The following PDGFD variants were observed in gnomAD, a reference collection of about 807,000 sequenced individuals.
PDGFD encodes platelet-derived growth factor D.
In PDGFD, 30 loss-of-function variants were observed where a neutral mutation model predicts 44.7. The observed-to-expected ratio is 0.67, with a 90% CI of 0.50 to 0.91. The LOEUF (loss-of-function observed/expected upper bound fraction) is 0.91. Ranked by LOEUF, PDGFD falls within the 40% of genes least tolerant of loss-of-function variation. The pLI is 0.00. For synonymous variants in PDGFD, 173 were observed against 168.4 expected (o/e 1.03, Z -0.21); for missense variants, 445 against 457.8 (o/e 0.97, Z 0.25).
At chr11:104,000,375 A>G in intron 1 of PDGFD, 120 bp from the exon 2 acceptor site, 1 of 890,122 alleles carries the variant, frequency 1.1e-6, no homozygotes, top group South Asian at 1.7e-5. Context: ...GCCTAAAAAC[A>G]TTAAGTCTAA....
rs1427053484 is a variant in PDGFD at position 104,164,018 on chromosome 11, C to G, written c.-91G>C. Reference sequence around the variant, plus strand: ...GCCGCGCCGCCCTGCGCTCTCGCCGCCTGCGCTCGCCCTGCGCTGGCCCGG... The same window carrying G: ...GCCGCGCCGCCCTGCGCTCTCGCCGGCTGCGCTCGCCCTGCGCTGGCCCGG... On this transcript the variant is annotated 5_prime_UTR_variant, in exon 1 of 7. Transcript: ENST00000393158. 8.7e-6 allele frequency: 12 copies of G among 1,373,750 alleles called. No individual in the cohort carries two copies. The highest frequency in any genetic ancestry group is 2.5e-5 in the Admixed American group (1 of 39,982). 85.1% of individuals were successfully genotyped at this position (1,373,750 alleles called of 1,614,324 possible). A position where few individuals can be genotyped will look rare whatever the true frequency, so the allele number is the denominator to read the frequency against.
intron 5 of PDGFD, among the ~76,000 whole-genome samples, chr11:103,929,816 C>A (rs998338919): frequency 6.6e-6 from 1 of 152,126 alleles, no homozygotes; most frequent in Non-Finnish European, 1.5e-5. Context: ...TGCAGCAGAG[C>A]AGGGAGCCAG....
intron 1 of PDGFD, among the ~76,000 whole-genome samples, chr11:104,061,271 A>G (rs1048271738): frequency 2.6e-5 from 4 of 152,026 alleles, no homozygotes; most frequent in African/African-American, 9.7e-5. Context: ...CTAGTCAAAA[A>G]GGAAAAAAAA....
chr11:103,961,840 C>T (rs1015503150), intron 3 of PDGFD, among the ~76,000 whole-genome samples: 4 of 152,158 alleles, frequency 2.6e-5, no homozygotes, highest in East Asian at 1.9e-4. Flanking sequence ...TAAGTGTCAG[C>T]GTCACTTGCC....
chr11:104,114,593 C>A (rs552344628), intron 1 of PDGFD, among the ~76,000 whole-genome samples: 2 of 152,114 alleles, frequency 1.3e-5, no homozygotes, highest in African/African-American at 4.8e-5. Context: ...ATTTATCTCT[C>A]CATATAAACT....
intron 1 of PDGFD, among the ~76,000 whole-genome samples, chr11:104,026,096 A>G (rs1374766026): frequency 6.6e-6 from 1 of 152,128 alleles, no homozygotes; most frequent in Non-Finnish European, 1.5e-5. Context: ...CATGGCTGTA[A>G]CACTATCTTC....
intron 1 of PDGFD, among the ~76,000 whole-genome samples, chr11:104,059,143 C>G (rs1860669114): frequency 6.8e-6 from 1 of 146,486 alleles, no homozygotes; most frequent in Non-Finnish European, 1.5e-5. Context: ...GTACATTATA[C>G]TTCAATAAAT....
At chr11:104,132,793 T>C (rs905210615) in intron 1 of PDGFD, among the ~76,000 whole-genome samples, 3 of 152,104 alleles carry the variant, frequency 2.0e-5, no homozygotes, top group Admixed American at 6.5e-5. Context: ...TTTTTCAAAA[T>C]AAATCAACCT....
At chr11:103,953,315 C>T (rs1858786614) in intron 3 of PDGFD, among the ~76,000 whole-genome samples, 1 of 151,896 alleles carries the variant, frequency 6.6e-6, no homozygotes, top group Admixed American at 6.6e-5. Context: ...CAGTTAACAT[C>T]CTTAAAATAA....
intron 1 of PDGFD, among the ~76,000 whole-genome samples, chr11:104,113,354 CA>C (rs1861588691): frequency 6.6e-6 from 1 of 151,862 alleles, no homozygotes; most frequent in African/African-American, 2.4e-5. Flanking sequence ...GGGAGGCAAA[CA>C]AAAAACATAT....
At chr11:104,036,543 A>C in intron 1 of PDGFD, 1 of 491,084 alleles carries the variant, frequency 2.0e-6, no homozygotes, top group Non-Finnish European at 3.7e-6. Context: ...TCGTGTATCC[A>C]TGGGAGTAGG....
chr11:103,941,803 CAG>C (rs1858588397), intron 5 of PDGFD, among the ~76,000 whole-genome samples: 1 of 152,090 alleles, frequency 6.6e-6, no homozygotes, highest in African/African-American at 2.4e-5. Context: ...TTGCTGAAGA[CAG>C]AGTCAGCTTT....
chr11:103,945,359 C>T (rs1565291441), intron 4 of PDGFD, among the ~76,000 whole-genome samples: 2 of 152,140 alleles, frequency 1.3e-5, no homozygotes, highest in Non-Finnish European at 2.9e-5. Context: ...CTGTCTTTCA[C>T]ATCTCTCTTG....
chr11:104,030,874 A>C (rs1217327885), intron 1 of PDGFD, among the ~76,000 whole-genome samples: 2 of 152,148 alleles, frequency 1.3e-5, no homozygotes, highest in Non-Finnish European at 2.9e-5. Flanking sequence ...CACTCCCTGC[A>C]CCCCACCTTA....
chr11:103,916,591 T>C (rs1858130043), intron 6 of PDGFD, among the ~76,000 whole-genome samples: 1 of 152,198 alleles, frequency 6.6e-6, no homozygotes, highest in African/African-American at 2.4e-5. Flanking sequence ...TTACTGAGTA[T>C]ATACCCAAAG....
intron 1 of PDGFD, among the ~76,000 whole-genome samples, chr11:104,079,406 G>A (rs980629150): frequency 1.3e-5 from 2 of 151,306 alleles, no homozygotes; most frequent in East Asian, 1.9e-4. Context: ...TTTCTTTTTC[G>A]AGACAGAGTC....
At chr11:103,994,156 A>C (rs1208308015) in intron 3 of PDGFD, among the ~76,000 whole-genome samples, 2 of 152,210 alleles carry the variant, frequency 1.3e-5, no homozygotes, top group African/African-American at 4.8e-5. Flanking sequence ...TTTTGCCTTA[A>C]AGACATTATG....
At chr11:104,066,055 C>T (rs997605411) in intron 1 of PDGFD, among the ~76,000 whole-genome samples, 12 of 151,944 alleles carry the variant, frequency 7.9e-5, no homozygotes, top group African/African-American at 2.4e-4. Context: ...TTGTCACATA[C>T]TGACAAGATA....
intron 1 of PDGFD, among the ~76,000 whole-genome samples, chr11:104,009,477 A>G (rs999583690): frequency 1.3e-5 from 2 of 148,592 alleles, no homozygotes; most frequent in Non-Finnish European, 3.0e-5. Context: ...AATGACCTCA[A>G]GTAATTTCTG....
Sources: allele counts gnomAD v4.1 joint callset (sites outside exome capture counted in the v4.1 genomes callset), GRCh38; gene constraint gnomAD v4.1.1; transcripts MANE v1.5; gene names NCBI Gene and HGNC (gene_info 2026-07-23, HGNC 2026-07-21).